DNAJC15: variants seen among roughly 807,000 people sequenced by gnomAD.
DNAJC15 encodes the protein DnaJ heat shock protein family (Hsp40) member C15, also known as dnaJ homolog subfamily C member 15.
In DNAJC15, 27 loss-of-function variants were observed where a neutral mutation model predicts 22.4. That is an observed-to-expected ratio of 1.20 (90% CI 0.89 to 1.66). The LOEUF (loss-of-function observed/expected upper bound fraction) is 1.66, where lower values mean the gene tolerates loss of function less well. DNAJC15 is among the 40% of genes most tolerant of loss of function. The probability of loss-of-function intolerance (pLI) is 0.00; values close to 1 mark genes in which losing one functional copy is unlikely to be tolerated. For synonymous variants in DNAJC15, 79 were observed against 63.2 expected (o/e 1.25, Z -1.19); for missense variants, 208 against 187.1 (o/e 1.11, Z -0.65).
At chr13:43,033,676 G>T (rs1224887745) in intron 1 of DNAJC15, among the ~76,000 whole-genome samples, 2 of 152,096 alleles carry the variant, frequency 1.3e-5, no homozygotes, top group African/African-American at 2.4e-5. Flanking sequence ...AATTTCTTAG[G>T]TGTTTTTCTC....
chr13:43,059,079 G>A (rs1408365967), intron 1 of DNAJC15, among the ~76,000 whole-genome samples: 1 of 152,190 alleles, frequency 6.6e-6, no homozygotes, highest in East Asian at 1.9e-4. Context: ...AGTTCACGGT[G>A]TGAGTCTCCA....
chr13:43,030,557 A>G (rs1456331681), intron 1 of DNAJC15, among the ~76,000 whole-genome samples: 1 of 152,234 alleles, frequency 6.6e-6, no homozygotes, highest in East Asian at 1.9e-4. Flanking sequence ...AGTTTCTCTA[A>G]GTGCTATCAT....
intron 1 of DNAJC15, among the ~76,000 whole-genome samples, chr13:43,038,426 G>A (rs910920884): frequency 6.6e-6 from 1 of 152,222 alleles, no homozygotes; most frequent in Non-Finnish European, 1.5e-5. Context: ...AAAGCTGAAA[G>A]AGGGACTAGT....
At chr13:43,027,917 G>A (rs1452720620) in intron 1 of DNAJC15, among the ~76,000 whole-genome samples, 3 of 152,038 alleles carry the variant, frequency 2.0e-5, no homozygotes, top group Admixed American at 6.5e-5. Flanking sequence ...TCAACCTCCC[G>A]AAGTGCTGGG....
intron 1 of DNAJC15, among the ~76,000 whole-genome samples, chr13:43,051,475 C>G (rs770431032): frequency 5.3e-5 from 8 of 152,122 alleles, no homozygotes; most frequent in Non-Finnish European, 1.0e-4. Flanking sequence ...ATTCTTATGC[C>G]TTGCATCCTC....
intron 1 of DNAJC15, among the ~76,000 whole-genome samples, chr13:43,050,568 C>T (rs551335688): frequency 1.0e-3 from 154 of 151,970 alleles, no homozygotes; most frequent in African/African-American, 3.6e-3. Context: ...GACTTTTATT[C>T]TTACTTCAGA....
rs1018221204 is a variant in DNAJC15 at position 43,066,528 on chromosome 13, T to C, written c.160+791T>C. Among the ~76,000 whole-genome samples, 7 of 152,232 alleles carry C rather than the reference T, an allele frequency of 4.6e-5. 1 individual carries two copies. Among genetic ancestry groups the C allele is most frequent in the Admixed American group, 4.6e-4 (7 of 15,284 alleles). On this transcript the variant is annotated intron_variant, in intron 2 of 5. Transcript: ENST00000379221. ...TCAAGATCCTGAACCTAATCACATC[T>C]GCAAAGTCAGTTTTATTACATAAGG...
chr13:43,065,731 T>C lies in DNAJC15; in HGVS notation c.154T>C (p.Phe52Leu). Reference sequence around the variant, plus strand: ...AGGACTGGGTGTTGCAGCTCTTGCATTTGCAGGTAAGATAAAGAATACATA... The same window carrying C: ...AGGACTGGGTGTTGCAGCTCTTGCACTTGCAGGTAAGATAAAGAATACATA... ...AVGLGVAALA[F>L]AGRYAFRIWK... Residue 52 changes from phenylalanine to leucine, a missense_variant, in exon 2 of 6, where the codon TTT (phenylalanine) becomes CTT (leucine). Transcript: ENST00000379221. The C allele has an allele frequency of 6.2e-7, 1 of 1,613,236 alleles. No homozygotes were observed. Among genetic ancestry groups the C allele is most frequent in the East Asian group, 2.2e-5 (1 of 44,782 alleles).
intron 4 of DNAJC15, 63 bp from the exon 5 acceptor site, chr13:43,085,705 A>T: frequency 7.0e-7 from 1 of 1,429,584 alleles, no homozygotes; most frequent in Non-Finnish European, 9.7e-7. Context: ...ACCCATATAA[A>T]CCCTTAATTT....
In DNAJC15 at chr13:43,023,697, C is replaced by T. The variant is rs565235338; in HGVS notation, c.71C>T (p.Ala24Val). 37 of 1,612,248 alleles carry T rather than the reference C, an allele frequency of 2.3e-5. No individual in the cohort carries two copies. Among genetic ancestry groups the T allele is most frequent in the Admixed American group, 3.3e-5 (2 of 59,914 alleles). Residue 24 changes from alanine to valine, a missense_variant, in exon 1 of 6, where the codon GCC (alanine) becomes GTC (valine). By Grantham distance (64) the Ala-to-Val change is moderately conservative. Coordinates refer to ENST00000379221, the MANE Select transcript of DNAJC15 (RefSeq NM_013238.3). ...LRYAEYLQPS[A>V]KRPDADVDQQ... The stretch of plus-strand genomic sequence containing the variant: ...TACGCTGAGTACTTGCAGCCCTCGG[C>T]CAAACGGCCAGACGCCGACGTCGAC...
At chr13:43,088,648 A>T (rs2040700349) in intron 5 of DNAJC15, among the ~76,000 whole-genome samples, 1 of 152,200 alleles carries the variant, frequency 6.6e-6, no homozygotes, top group South Asian at 2.1e-4. Flanking sequence ...AAGTAATTAT[A>T]CTGTTGAATG....
At chr13:43,080,917 A>C (rs914479362) in intron 4 of DNAJC15, among the ~76,000 whole-genome samples, 2 of 152,232 alleles carry the variant, frequency 1.3e-5, no homozygotes, top group East Asian at 3.8e-4. Flanking sequence ...GGCAATGTTG[A>C]TTATGACAAG....
At chr13:43,103,768 T>TCTTTGTAAAATTGTAGA (rs2040782542) in intron 5 of DNAJC15, among the ~76,000 whole-genome samples, 1 of 152,204 alleles carries the variant, frequency 6.6e-6, no homozygotes, top group African/African-American at 2.4e-5. Flanking sequence ...ATTTGTGGGT[T>TCTTTGTAAAATTGTAGA]TTTCCTTTTG....
At chr13:43,088,881 G>T (rs1402973830) in intron 5 of DNAJC15, among the ~76,000 whole-genome samples, 1 of 147,960 alleles carries the variant, frequency 6.8e-6, no homozygotes. Flanking sequence ...TGTTTGTTTT[G>T]GAGGGTTCAT....
rs28703001 is a variant in DNAJC15, at chr13:43,112,330, A to G, written c.*5082A>G. The stretch of plus-strand genomic sequence containing the variant: ...TCCAAATTTTAAGTCTGAACAGACT[A>G]TATTACATAGATGTAGAGAAATACT... On this transcript the variant is annotated 3_prime_UTR_variant, in exon 6 of 6. Transcript: ENST00000379221. The G allele has an allele frequency of 6.6e-6, 1 of 152,244 alleles. No homozygotes were observed. The highest frequency in any genetic ancestry group is 2.4e-5 in the African/African-American group (1 of 41,468). 9.4% of individuals were successfully genotyped at this position (152,244 alleles called of 1,614,324 possible).
intron 5 of DNAJC15, among the ~76,000 whole-genome samples, chr13:43,104,127 A>C (rs2040784262): frequency 6.6e-6 from 1 of 152,188 alleles, no homozygotes; most frequent in Non-Finnish European, 1.5e-5. Flanking sequence ...ATATATGTGC[A>C]TGTAATCACT....
chr13:43,028,456 A>G (rs1252618552), intron 1 of DNAJC15, among the ~76,000 whole-genome samples: 1 of 152,176 alleles, frequency 6.6e-6, no homozygotes, highest in Non-Finnish European at 1.5e-5. Context: ...TTTAAAAACA[A>G]GTCTCTTTGC....
rs528680995 is a variant in DNAJC15, at chr13:43,099,543, A to G, written c.383-7635A>G. Reference sequence around the variant, plus strand: ...GCTTTTTATCTACAAACATACTAACACTTAGAGAACGTCTGTCTATTCCTA... The same window carrying G: ...GCTTTTTATCTACAAACATACTAACGCTTAGAGAACGTCTGTCTATTCCTA... On this transcript the variant is annotated intron_variant, in intron 5 of 5. Transcript: ENST00000379221. 9.8e-5 allele frequency among the ~76,000 whole-genome samples: 15 copies of G among 152,338 alleles called. No homozygotes were observed. The South Asian group carries it at 3.1e-3, about 32-fold the overall frequency.
intron 5 of DNAJC15, among the ~76,000 whole-genome samples, chr13:43,101,779 G>A (rs1285434606): frequency 6.6e-6 from 1 of 152,052 alleles, no homozygotes; most frequent in Non-Finnish European, 1.5e-5. Flanking sequence ...TCTTTTTATG[G>A]CTGAGTAGTA....
Sources: gnomAD v4.1 joint callset for allele counts (sites outside exome capture counted in the v4.1 genomes callset) on GRCh38, gnomAD v4.1.1 for gene constraint, MANE v1.5 for transcripts, NCBI Gene and HGNC (gene_info 2026-07-23, HGNC 2026-07-21) for gene names.